The following APPL1 variants were observed in gnomAD, a reference collection of about 807,000 sequenced individuals.
APPL1 encodes the protein adaptor protein, phosphotyrosine interacting with PH domain and leucine zipper 1.
Under a neutral mutation model 106.8 loss-of-function variants are expected in APPL1, and 42 were observed. That is an observed-to-expected ratio of 0.39 (90% CI 0.31 to 0.51). The LOEUF (loss-of-function observed/expected upper bound fraction) is 0.51. APPL1 is among the 20% of genes least tolerant of loss of function. APPL1 has a pLI of 0.75. For synonymous variants in APPL1, 263 were observed against 281.8 expected (o/e 0.93, Z 0.67); for missense variants, 769 against 858.2 (o/e 0.90, Z 1.30).
chr3:57,265,508 C>G (rs910013431), intron 19 of APPL1, among the ~76,000 whole-genome samples: 1 of 151,876 alleles, frequency 6.6e-6, no homozygotes, highest in African/African-American at 2.4e-5. Context: ...TTAATTTTAT[C>G]TGTGGCTATT....
At chr3:57,234,488 T>C (rs924043252) in intron 1 of APPL1, among the ~76,000 whole-genome samples, 1 of 151,444 alleles carries the variant, frequency 6.6e-6, no homozygotes, top group Non-Finnish European at 1.5e-5. Flanking sequence ...TTAGTAGAGA[T>C]GGGGTTTCAC....
chr3:57,254,055 A>G (rs1458925708), intron 13 of APPL1, among the ~76,000 whole-genome samples: 1 of 151,906 alleles, frequency 6.6e-6, no homozygotes, highest in African/African-American at 2.4e-5. Flanking sequence ...TAGAGACAGG[A>G]TTTGGCCATG....
chr3:57,231,338 CAAAAAAA>C (rs71088043), intron 1 of APPL1, among the ~76,000 whole-genome samples: 2 of 72,246 alleles, frequency 2.8e-5, no homozygotes, highest in Non-Finnish European at 4.7e-5. Context: ...GACTCCGTCT[CAAAAAAA>C]AAAAAAAAAA....
In APPL1 at chr3:57,260,685, G is replaced by A. The variant is rs1262130414; in HGVS notation, c.1753G>A (p.Gly585Arg). 2 of 1,612,908 alleles carry A rather than the reference G, an allele frequency of 1.2e-6. No homozygotes were observed. Among genetic ancestry groups the A allele is most frequent in the Admixed American group, 3.3e-5 (2 of 59,980 alleles). The change falls in exon 19 of 22, where the codon GGA (glycine) becomes AGA (arginine). Residue 585 changes from glycine to arginine, a missense_variant. By Grantham distance (125) the Gly-to-Arg change is moderately radical. Transcript: ENST00000288266. ...ACACCAGGAAAATAAGCGCCTTTTTGGATTTGTTCTTCGGACATCAAGCGG... is the reference window on the plus strand; with the variant it reads ...ACACCAGGAAAATAAGCGCCTTTTTAGATTTGTTCTTCGGACATCAAGCGG... ...ATHQENKRLFGFVLRTSSGRS... is the reference protein window; with the variant it reads ...ATHQENKRLFRFVLRTSSGRS...
Position 57,228,312 on chromosome 3 carries a change from A to G in APPL1, c.54+375A>G, listed in dbSNP as rs1272591778. ...AGAACCTCTTCAGAAAAATTGCAGA[A>G]GGGAGAGAAACCCCGATAGTCTTAT... On this transcript the variant is annotated intron_variant, in intron 1 of 21. Transcript: ENST00000288266. This position sits in a 1 kb window ranked among gnomAD's most constrained non-coding sequence, Gnocchi z 4.6. 6.6e-6 allele frequency among the ~76,000 whole-genome samples: 1 copy of G among 152,236 alleles called. No individual in the cohort carries two copies. The highest frequency in any genetic ancestry group is 1.5e-5 in the Non-Finnish European group (1 of 68,036).
intron 7 of APPL1, among the ~76,000 whole-genome samples, chr3:57,244,908 A>T (rs904287234): frequency 1.3e-5 from 2 of 152,146 alleles, no homozygotes; most frequent in African/African-American, 4.8e-5. Context: ...TTTGGGAGAT[A>T]TTTTTTTAAG....
chr3:57,265,039 A>G (rs1486052049), intron 19 of APPL1, among the ~76,000 whole-genome samples: 1 of 152,130 alleles, frequency 6.6e-6, no homozygotes, highest in Non-Finnish European at 1.5e-5. Context: ...TGCTTTGGGT[A>G]GTATGGACAT....
intron 20 of APPL1, chr3:57,268,138 A>T: frequency 2.1e-6 from 1 of 477,738 alleles, no homozygotes; most frequent in Non-Finnish European, 3.7e-6. Context: ...CAAGAATGTT[A>T]ACTAAAATAG....
rs568894204 is a variant in APPL1 at position 57,256,796 on chromosome 3, T to C, written c.1153-161T>C. ...ATAGGAAGTAAGAGGAAATCAGTTA[T>C]GTACCCTAATATTAAGACGAGGGAA... On this transcript the variant is annotated intron_variant, in intron 13 of 21. Transcript: ENST00000288266. Among the ~76,000 whole-genome samples the C allele has an allele frequency of 1.4e-4, 22 of 152,350 alleles. No homozygotes were observed. The East Asian group carries it at 3.3e-3, about 23-fold the overall frequency.
chr3:57,240,610 T>C, intron 5 of APPL1, 58 bp downstream of exon 5: 1 of 1,411,310 alleles, frequency 7.1e-7, no homozygotes, highest in Non-Finnish European at 1.0e-6. Context: ...ACTTGTAAAA[T>C]GCATATTACT....
intron 15 of APPL1, 37 bp downstream of exon 15, chr3:57,257,465 C>G (rs1028095030): frequency 1.3e-6 from 2 of 1,521,238 alleles, no homozygotes; most frequent in South Asian, 2.6e-5. Flanking sequence ...GTGCTGTGGT[C>G]TGTAAGGCTT....
chr3:57,240,691 G>C lies in APPL1; in HGVS notation c.373+139G>C. 5 of 676,270 alleles carry C rather than the reference G, an allele frequency of 7.4e-6. No homozygotes were observed. In the Admixed American group the frequency reaches 1.3e-4, roughly 18 times the overall value. 41.9% of individuals were successfully genotyped at this position (676,270 alleles called of 1,614,324 possible). A position where few individuals can be genotyped will look rare whatever the true frequency, so the allele number is the denominator to read the frequency against. ...TTGCTCAGTTACCAAACATTTATAG[G>C]AGCTCCTGCTAGATGTCAAACTAGA... On this transcript the variant is annotated intron_variant, in intron 5 of 21. Transcript: ENST00000288266.
intron 19 of APPL1, among the ~76,000 whole-genome samples, chr3:57,264,128 T>TG (rs1294151414): frequency 6.6e-6 from 1 of 152,220 alleles, no homozygotes; most frequent in East Asian, 1.9e-4. Flanking sequence ...ATTTCTCTGA[T>TG]GATCAGTGAT....
chr3:57,269,554 A>G lies in APPL1; in HGVS notation c.1997A>G (p.Gln666Arg), dbSNP rs1392866822. ...QKQIEKDLEE[Q>R]SRLIAASSRP... ...CTTTTCCACTAGGACTTGGAAGAACAAAGTCGGTTGATAGCTGCTTCCAGT... is the reference window on the plus strand; with the variant it reads ...CTTTTCCACTAGGACTTGGAAGAACGAAGTCGGTTGATAGCTGCTTCCAGT... Residue 666 changes from glutamine to arginine, a missense_variant, in exon 22 of 22, where the codon CAA becomes CGA. Coordinates refer to ENST00000288266, the MANE Select transcript of APPL1 (RefSeq NM_012096.3). 1 of 1,613,860 alleles carries G rather than the reference A, an allele frequency of 6.2e-7. No individual in the cohort carries two copies. The highest frequency in any genetic ancestry group is 2.2e-5 in the East Asian group (1 of 44,866).
At chr3:57,236,701 T>C (rs1214799055) in intron 2 of APPL1, among the ~76,000 whole-genome samples, 1 of 152,194 alleles carries the variant, frequency 6.6e-6, no homozygotes, top group Non-Finnish European at 1.5e-5. Context: ...CACTAAAAAT[T>C]AGATGTACCT....
chr3:57,228,252 A>G lies in APPL1; in HGVS notation c.54+315A>G, dbSNP rs538308334. Reference sequence around the variant, plus strand: ...GCGCCGTTTTTATCGCGGTGATGTGAGGTGCCAAATCTCGATCCTGGAATT... The same window carrying G: ...GCGCCGTTTTTATCGCGGTGATGTGGGGTGCCAAATCTCGATCCTGGAATT... On this transcript the variant is annotated intron_variant, in intron 1 of 21. Transcript: ENST00000288266. The surrounding 1 kb of genome is among the most constrained non-coding windows in gnomAD (Gnocchi z 4.6). Among the ~76,000 whole-genome samples the G allele has an allele frequency of 2.0e-5, 3 of 152,282 alleles. No individual in the cohort carries two copies. The South Asian group carries it at 6.2e-4, about 32-fold the overall frequency.
chr3:57,234,587 C>T (rs150863898), intron 1 of APPL1, among the ~76,000 whole-genome samples: 303 of 148,698 alleles, frequency 2.0e-3, no homozygotes, highest in African/African-American at 7.0e-3. Context: ...CGTGAGCCAC[C>T]GCACCCGGCC....
intron 4 of APPL1, among the ~76,000 whole-genome samples, chr3:57,239,073 TGA>T (rs2060731722): frequency 6.6e-6 from 1 of 152,148 alleles, no homozygotes; most frequent in African/African-American, 2.4e-5. Flanking sequence ...TGGCGGCAGA[TGA>T]GAGAGAATGA....
At chr3:57,239,169 C>T (rs1322264075) in intron 4 of APPL1, among the ~76,000 whole-genome samples, 1 of 152,190 alleles carries the variant, frequency 6.6e-6, no homozygotes, top group African/African-American at 2.4e-5. Context: ...ATGGGGGAAA[C>T]TGCCCCCATG....
Sources: allele counts gnomAD v4.1 joint callset (sites outside exome capture counted in the v4.1 genomes callset), GRCh38; gene constraint gnomAD v4.1.1; non-coding constraint Gnocchi (gnomAD v3.1); transcripts MANE v1.5; gene names NCBI Gene and HGNC (gene_info 2026-07-23, HGNC 2026-07-21).